IGF2R: variants seen among roughly 807,000 people sequenced by gnomAD.
The protein encoded by IGF2R is insulin like growth factor 2 receptor, also known as cation-independent mannose-6-phosphate receptor.
A neutral mutation model predicts 270.6 loss-of-function variants in IGF2R; 91 were observed. The observed-to-expected ratio is 0.34, with a 90% CI of 0.28 to 0.40. The LOEUF (loss-of-function observed/expected upper bound fraction) is 0.40, where lower values mean the gene tolerates loss of function less well. Among genes scored for constraint, IGF2R ranks in the 10% least tolerant of loss-of-function variants. The pLI is 1.00. For missense variants in IGF2R, 2,805 were observed against 3,188.3 expected, an observed-to-expected ratio of 0.88 and a Z score of 2.90; for synonymous variants, 1,316 against 1,258.9, an observed-to-expected ratio of 1.05 and a Z score of -0.96.
At chr6:160,045,398 T>C (rs1051691266) in intron 13 of IGF2R, among the ~76,000 whole-genome samples, 2 of 152,214 alleles carry the variant, frequency 1.3e-5, no homozygotes, top group Admixed American at 6.5e-5. Context: ...ACGTAAAATG[T>C]ACCATCCTAA....
At chr6:160,035,945 AT>A (rs1777811535) in intron 10 of IGF2R, among the ~76,000 whole-genome samples, 1 of 152,184 alleles carries the variant, frequency 6.6e-6, no homozygotes, top group Non-Finnish European at 1.5e-5. Flanking sequence ...ATTGAGGAGC[AT>A]GCCAGTCCCG....
rs150602773 is a variant in IGF2R at position 160,073,843 on chromosome 6, G to A, written c.5034G>A (p.Glu1678=). 1.3e-4 allele frequency: 203 copies of A among 1,613,900 alleles called. No individual in the cohort carries two copies. The highest frequency in any genetic ancestry group is 1.6e-4 in the Non-Finnish European group (191 of 1,179,886). ...CTGGTGGTTATGAGGCTTATGATGA[G>A]AGTGAGGATGATGCCTCCGATACCA... ...HRTGGYEAYD[E]SEDDASDTNP... The change falls in exon 35 of 48, where the codon GAG becomes GAA. Residue 1678 remains glutamate (E), a synonymous_variant. Coordinates refer to ENST00000356956, the MANE Select transcript of IGF2R (RefSeq NM_000876.4).
chr6:160,058,347 A>G (rs970439027), intron 21 of IGF2R, among the ~76,000 whole-genome samples: 3 of 152,228 alleles, frequency 2.0e-5, no homozygotes, highest in Non-Finnish European at 2.9e-5. Flanking sequence ...TTCTTCAAAT[A>G]ATAAGTTGTT....
intron 45 of IGF2R, among the ~76,000 whole-genome samples, chr6:160,097,965 G>A (rs1562378624): frequency 6.6e-6 from 1 of 152,170 alleles, no homozygotes; most frequent in Non-Finnish European, 1.5e-5. Flanking sequence ...TTCAGCTTTT[G>A]AATGTTTATG....
In IGF2R at chr6:160,105,162, ATGC is replaced by A; in HGVS notation, c.*80_*82del. ...AACCAAATAAGACTTCCACTCGATG[ATGC>A]TTCTATAATTTTGCCTTTAACAGAA... is the stretch of plus-strand genomic sequence containing the variant. On this transcript the variant is annotated 3_prime_UTR_variant, in exon 48 of 48. Coordinates refer to ENST00000356956, the MANE Select transcript of IGF2R (RefSeq NM_000876.4). The A allele has an allele frequency of 1.6e-6, 2 of 1,267,904 alleles. No individual in the cohort carries two copies. The highest frequency in any genetic ancestry group is 2.1e-6 in the Non-Finnish European group (2 of 932,704). The allele number at this position is 1,267,904 out of a possible 1,614,324, so 78.5% of individuals were successfully genotyped here. A position where few individuals can be genotyped will look rare whatever the true frequency, so the allele number is the denominator to read the frequency against.
At position 159,969,368 on chromosome 6, in the gene IGF2R, A is replaced by T; in HGVS notation, c.122A>T (p.Gln41Leu). The change falls in exon 1 of 48, where the codon CAG becomes CTG. Residue 41 changes from glutamine (Q) to leucine (L), a missense_variant. This residue lies in a region of IGF2R where 954 missense variants were observed against 981.1 expected (regional missense o/e 0.97). Coordinates refer to ENST00000356956, the MANE Select transcript of IGF2R (RefSeq NM_000876.4). ...LVAAPGSTQAQAAPFPELCSY... is the reference protein window; with the variant it reads ...LVAAPGSTQALAAPFPELCSY... The stretch of plus-strand genomic sequence containing the variant: ...GCTGCCCCGGGGTCCACGCAGGCCC[A>T]GGCCGCCCCGTTCCCCGAGCTGTGC... 7.8e-7 allele frequency: 1 copy of T among 1,287,376 alleles called. No individual in the cohort carries two copies. The highest frequency in any genetic ancestry group is 9.8e-7 in the Non-Finnish European group (1 of 1,016,128). The allele number at this position is 1,287,376 out of a possible 1,614,324, so 79.7% of individuals were successfully genotyped here. A position where few individuals can be genotyped will look rare whatever the true frequency, so the allele number is the denominator to read the frequency against.
chr6:160,043,216 A>G lies in IGF2R; in HGVS notation c.1549A>G (p.Asn517Asp). ...TETEKKHFFI[N>D]ICHRVLQEGK... The stretch of plus-strand genomic sequence containing the variant: ...AACAGAGAAGAAGCATTTTTTCATT[A>G]ATATTTGTCACAGAGTGCTGCAGGA... Residue 517 changes from asparagine to aspartate, a missense_variant, in exon 12 of 48, where the codon AAT becomes GAT. Transcript: ENST00000356956. The G allele has an allele frequency of 6.2e-7, 1 of 1,614,102 alleles. No individual in the cohort carries two copies. The highest frequency in any genetic ancestry group is 8.5e-7 in the Non-Finnish European group (1 of 1,179,988).
At chr6:160,033,937 A>T (rs906575991) in intron 9 of IGF2R, among the ~76,000 whole-genome samples, 1 of 152,234 alleles carries the variant, frequency 6.6e-6, no homozygotes, top group African/African-American at 2.4e-5. Context: ...AGGAACAGAA[A>T]ACTGCAAAAA....
rs1361190695 is a variant in IGF2R, at chr6:160,084,578, C to T, written c.6068+394C>T. On this transcript the variant is annotated intron_variant, in intron 40 of 47. Transcript: ENST00000356956. This position sits in a 1 kb window ranked among gnomAD's most constrained non-coding sequence, Gnocchi z 4.6. Reference sequence around the variant, plus strand: ...TCAGCCCATGGTCCTGACCACTCTGCGTGGGGAGCGCCCGCTTGGCCAGGT... The same window carrying T: ...TCAGCCCATGGTCCTGACCACTCTGTGTGGGGAGCGCCCGCTTGGCCAGGT... Among the ~76,000 whole-genome samples the T allele has an allele frequency of 3.3e-5, 5 of 152,156 alleles. No individual in the cohort carries two copies. The highest frequency in any genetic ancestry group is 7.4e-5 in the Non-Finnish European group (5 of 68,024).
intron 2 of IGF2R, among the ~76,000 whole-genome samples, chr6:159,993,299 A>G (rs894300719): frequency 5.9e-5 from 9 of 152,096 alleles, no homozygotes; most frequent in African/African-American, 2.2e-4. Context: ...TAGTTATGAA[A>G]TCTTTGTCTA....
At chr6:160,020,990 A>G (rs997693916) in intron 4 of IGF2R, among the ~76,000 whole-genome samples, 15 of 152,250 alleles carry the variant, frequency 9.9e-5, no homozygotes, top group African/African-American at 3.4e-4. Context: ...AGCAAAATAC[A>G]TAGTCAGCAG....
At chr6:159,977,310 A>C (rs942815063) in intron 1 of IGF2R, among the ~76,000 whole-genome samples, 2 of 152,216 alleles carry the variant, frequency 1.3e-5, no homozygotes, top group African/African-American at 4.8e-5. Flanking sequence ...TGCACTCTGC[A>C]GTGGGTCTCC....
chr6:160,000,653 C>T (rs1008151858), intron 2 of IGF2R, among the ~76,000 whole-genome samples: 7 of 148,446 alleles, frequency 4.7e-5, no homozygotes, highest in Non-Finnish European at 8.9e-5. Context: ...GAAATGGGCA[C>T]ATTTATTTAT....
At chr6:160,088,901 G>A (rs554173460) in intron 42 of IGF2R, among the ~76,000 whole-genome samples, 5 of 152,284 alleles carry the variant, frequency 3.3e-5, no homozygotes, top group African/African-American at 4.8e-5. Context: ...CCCTCGCTCC[G>A]AGCTGCCGTC....
At chr6:160,009,395 A>G (rs1241703747) in intron 3 of IGF2R, among the ~76,000 whole-genome samples, 1 of 152,198 alleles carries the variant, frequency 6.6e-6, no homozygotes, top group African/African-American at 2.4e-5. Flanking sequence ...AAATCAGTGC[A>G]CTGTTTAATG....
chr6:159,972,556 C>G (rs1347904059), intron 1 of IGF2R, among the ~76,000 whole-genome samples: 4 of 152,214 alleles, frequency 2.6e-5, no homozygotes, highest in Admixed American at 1.3e-4. Context: ...GCCCAGCTCT[C>G]TAGAACCTAG....
chr6:160,020,673 T>G (rs1435837211), intron 4 of IGF2R, among the ~76,000 whole-genome samples: 1 of 152,296 alleles, frequency 6.6e-6, no homozygotes, highest in East Asian at 1.9e-4. Context: ...TTGACACAGT[T>G]GACAAAAACA....
rs1554234055 is a variant in IGF2R, at chr6:159,975,701, T to TATATATATATAA, written c.149+6307_149+6308insTATATATATAAA. Among the ~76,000 whole-genome samples the TATATATATATAA allele has an allele frequency of 3.7e-3, 538 of 146,630 alleles. 4 individuals carry two copies. The highest frequency in any genetic ancestry group is 0.012 in the African/African-American group (464 of 40,312). On this transcript the variant is annotated intron_variant, in intron 1 of 47. Transcript: ENST00000356956. ...ATATATATTTATATATATATATATA[T>TATATATATATAA]AAAGTATATGTATTGTGTATATATT...
At chr6:159,993,473 G>A (rs1784007804) in intron 2 of IGF2R, among the ~76,000 whole-genome samples, 1 of 152,064 alleles carries the variant, frequency 6.6e-6, no homozygotes, top group African/African-American at 2.4e-5. Flanking sequence ...TATTGAATAG[G>A]GTGTCCCTTC....
Sources: allele counts gnomAD v4.1 joint callset (sites outside exome capture counted in the v4.1 genomes callset), GRCh38; gene constraint gnomAD v4.1.1; regional missense constraint gnomAD v4.1.1; non-coding constraint Gnocchi (gnomAD v3.1); transcripts MANE v1.5; gene names NCBI Gene and HGNC (gene_info 2026-07-23, HGNC 2026-07-21).